Variants in NRXN3 observed in about 807,000 individuals in gnomAD.
NRXN3 encodes the protein neurexin 3.
Under a neutral mutation model 137.6 loss-of-function variants are expected in NRXN3, and 32 were observed. That is an observed-to-expected ratio of 0.23 (90% CI 0.18 to 0.31). The LOEUF (loss-of-function observed/expected upper bound fraction) is 0.31. Ranked by LOEUF, NRXN3 falls within the 10% of genes least tolerant of loss-of-function variation. NRXN3 has a pLI of 1.00. For missense variants in NRXN3, 1,574 were observed against 2,062.5 expected (o/e 0.76, Z 4.59); for synonymous variants, 798 against 784.5 (o/e 1.02, Z -0.29).
At chr14:79,632,502 A>G (rs1420069091) in intron 16 of NRXN3, 1 of 149,026 alleles carries the variant, frequency 6.7e-6, no homozygotes, top group Admixed American at 6.6e-5. Context: ...CAGAGTACCC[A>G]GAGCAGAATG....
At chr14:79,676,055 T>TA (rs2098639118) in intron 17 of NRXN3, among the ~76,000 whole-genome samples, 1 of 152,094 alleles carries the variant, frequency 6.6e-6, no homozygotes, top group African/African-American at 2.4e-5. Flanking sequence ...GTCTGTCTTC[T>TA]AAGTCTTAGA....
intron 3 of NRXN3, among the ~76,000 whole-genome samples, chr14:78,293,638 C>G (rs1255398657): frequency 6.6e-6 from 1 of 152,118 alleles, no homozygotes; most frequent in Non-Finnish European, 1.5e-5. Context: ...CGTCTCTTTC[C>G]CCCTGATCCA....
At chr14:79,073,660 C>T (rs1166181573) in intron 15 of NRXN3, among the ~76,000 whole-genome samples, 1 of 152,168 alleles carries the variant, frequency 6.6e-6, no homozygotes, top group Non-Finnish European at 1.5e-5. Context: ...GCAACTGTTC[C>T]CAGCCCTTCT....
chr14:79,135,137 TTTTAG>T (rs536024429), intron 15 of NRXN3, among the ~76,000 whole-genome samples: 216 of 152,214 alleles, frequency 1.4e-3, no homozygotes, highest in African/African-American at 4.9e-3. Flanking sequence ...GACTAAAATA[TTTTAG>T]TTTAGAGCAA....
intron 14 of NRXN3, 47 bp downstream of exon 14, chr14:78,968,393 C>CCAAG (rs1177084732): frequency 6.3e-7 from 1 of 1,575,568 alleles, no homozygotes; most frequent in Non-Finnish European, 8.7e-7. Flanking sequence ...GTTGCAAGCA[C>CCAAG]CAAGCCTCTT....
intron 15 of NRXN3, among the ~76,000 whole-genome samples, chr14:79,225,036 G>A (rs2070571621): frequency 6.6e-6 from 1 of 152,164 alleles, no homozygotes; most frequent in Non-Finnish European, 1.5e-5. Flanking sequence ...GCTGGACACT[G>A]AGGGGCATCC....
chr14:78,203,803 GGTGTGTGT>G (rs3059003), intron 1 of NRXN3, among the ~76,000 whole-genome samples: 7 of 133,948 alleles, frequency 5.2e-5, no homozygotes, highest in African/African-American at 8.5e-5. Flanking sequence ...GATCCTTCCA[GGTGTGTGT>G]GTGTGTGTGT....
At chr14:78,294,241 C>G (rs1271542139) in intron 3 of NRXN3, among the ~76,000 whole-genome samples, 1 of 152,152 alleles carries the variant, frequency 6.6e-6, no homozygotes, top group African/African-American at 2.4e-5. Flanking sequence ...ATAAAAATAA[C>G]ATCAACAACA....
At chr14:79,287,545 A>G (rs1257725495) in intron 15 of NRXN3, among the ~76,000 whole-genome samples, 4 of 152,180 alleles carry the variant, frequency 2.6e-5, no homozygotes, top group African/African-American at 9.7e-5. Flanking sequence ...TTTTAGGGAC[A>G]ACTACCTTCA....
intron 8 of NRXN3, among the ~76,000 whole-genome samples, chr14:78,766,017 G>C (rs2098707813): frequency 6.6e-6 from 1 of 152,196 alleles, no homozygotes; most frequent in African/African-American, 2.4e-5. Context: ...TGTTTATGCA[G>C]AAGCCCAGCA....
intron 4 of NRXN3, chr14:78,602,411 T>C (rs2097209574): frequency 6.6e-6 from 1 of 152,188 alleles, no homozygotes; most frequent in African/African-American, 2.4e-5. Context: ...TTCTTGGCTT[T>C]CTTTCTAGGG....
At chr14:79,654,200 G>C (rs1355424142) in intron 16 of NRXN3, among the ~76,000 whole-genome samples, 3 of 152,062 alleles carry the variant, frequency 2.0e-5, no homozygotes, top group Admixed American at 2.0e-4. Context: ...GAATGAGCAG[G>C]TATGTTACAG....
intron 16 of NRXN3, among the ~76,000 whole-genome samples, chr14:79,499,341 C>T (rs929016534): frequency 6.6e-6 from 1 of 152,190 alleles, no homozygotes; most frequent in Non-Finnish European, 1.5e-5. Flanking sequence ...CTTCTTCCTT[C>T]AGCACCAGAG....
At chr14:78,376,968 G>A (rs373730021) in intron 4 of NRXN3, among the ~76,000 whole-genome samples, 4 of 151,760 alleles carry the variant, frequency 2.6e-5, no homozygotes, top group Admixed American at 6.6e-5. Context: ...AAATCAAAAC[G>A]GAATTCTAAA....
chr14:79,224,821 T>A (rs2070516210), intron 15 of NRXN3, among the ~76,000 whole-genome samples: 1 of 152,138 alleles, frequency 6.6e-6, no homozygotes, highest in African/African-American at 2.4e-5. Context: ...TTGGAATTAC[T>A]CCGTAGGAAG....
intron 2 of NRXN3, among the ~76,000 whole-genome samples, chr14:78,266,484 A>G (rs2071739169): frequency 6.6e-6 from 1 of 152,132 alleles, no homozygotes; most frequent in Non-Finnish European, 1.5e-5. Context: ...TTTTTAGTAG[A>G]GACAGGGTTT....
intron 16 of NRXN3, among the ~76,000 whole-genome samples, chr14:79,470,560 C>T (rs765010704): frequency 6.6e-6 from 1 of 152,110 alleles, no homozygotes; most frequent in African/African-American, 2.4e-5. Context: ...ACTGTGGCAT[C>T]GGTGATCAAG....
At chr14:79,151,787 T>G (rs2059823297) in intron 15 of NRXN3, among the ~76,000 whole-genome samples, 1 of 152,004 alleles carries the variant, frequency 6.6e-6, no homozygotes, top group South Asian at 2.1e-4. Flanking sequence ...TGTCCCAGAG[T>G]GCACAGACTA....
intron 15 of NRXN3, among the ~76,000 whole-genome samples, chr14:79,001,481 G>A (rs1225731895): frequency 6.6e-6 from 1 of 152,110 alleles, no homozygotes; most frequent in Non-Finnish European, 1.5e-5. Flanking sequence ...ATAAGGTCAG[G>A]TTTCTCGCTG....
Sources: allele counts gnomAD v4.1 joint callset (sites outside exome capture counted in the v4.1 genomes callset), GRCh38; gene constraint gnomAD v4.1.1; transcripts MANE v1.5; gene names NCBI Gene and HGNC (gene_info 2026-07-23, HGNC 2026-07-21).